The following MGRN1 variants were observed in gnomAD, a reference collection of about 807,000 sequenced individuals.
MGRN1 encodes the protein mahogunin ring finger 1, also known as E3 ubiquitin-protein ligase MGRN1.
In MGRN1, 29 loss-of-function variants were observed where a neutral mutation model predicts 69.2. That is an observed-to-expected ratio of 0.42 (90% confidence interval 0.31 to 0.57). The LOEUF is 0.57. Among genes scored for constraint, MGRN1 ranks in the 20% least tolerant of loss-of-function variants. MGRN1 has a pLI of 0.15. For missense variants in MGRN1, 998 were observed against 796.2 expected (o/e 1.25, Z -3.05); for synonymous variants, 470 against 344.2 (o/e 1.37, Z -4.04).
intron 1 of MGRN1, chr16:4,634,476 C>G (rs192889996): frequency 6.6e-6 from 1 of 152,412 alleles, no homozygotes; most frequent in Non-Finnish European, 1.5e-5. Flanking sequence ...TCTAGCTTTG[C>G]GCTTTGGGGT....
chr16:4,688,782 GC>G lies in MGRN1; in HGVS notation c.1619-13del. The G allele has an allele frequency of 6.5e-7, 1 of 1,536,324 alleles. No individual in the cohort carries two copies. The highest frequency in any genetic ancestry group is 8.8e-7 in the Non-Finnish European group (1 of 1,135,808). On this transcript the variant is annotated splice_polypyrimidine_tract_variant and intron_variant, in intron 16 of 16. Transcript: ENST00000262370. ...ATCCGAGTGTGACCCTCCTCCCTCT[GC>G]TCCCACCTGCAGGACGGCCCACCTC...
chr16:4,627,263 A>G (rs1897726385), intron 1 of MGRN1, among the ~76,000 whole-genome samples: 1 of 152,236 alleles, frequency 6.6e-6, no homozygotes, highest in Non-Finnish European at 1.5e-5. Flanking sequence ...TATGTCAAGG[A>G]GAAAGAGTCA....
chr16:4,641,430 C>CCTCAAATTGCTGGGCTCGCATGGTCCTT (rs558794518), intron 1 of MGRN1, among the ~76,000 whole-genome samples: 2,700 of 151,944 alleles, frequency 0.018, 30 homozygotes, highest in Non-Finnish European at 0.03. Context: ...CTCACTGCAA[C>CCTCAAATTGCTGGGCTCGCATGGTCCTT]CTCAAATTGC....
At position 4,682,886 on chromosome 16, in the gene MGRN1, G is replaced by A; in HGVS notation, c.1422G>A (p.Val474=). The part of the protein sequence containing the change: ...EEDEEKLSED[V]DAPPPLGGAE... ...ATGAGGAGAAGCTCTCCGAGGACGT[G>A]GACGCCCCTCCCCCACTGGGTGGCG... Residue 474 remains valine (V), a synonymous_variant, in exon 14 of 17, where the codon GTG becomes GTA. Transcript: ENST00000262370. The A allele has an allele frequency of 1.9e-6, 3 of 1,609,676 alleles. No homozygotes were observed. The highest frequency in any genetic ancestry group is 1.7e-6 in the Non-Finnish European group (2 of 1,177,018).
In MGRN1 at chr16:4,650,478, G is replaced by A; in HGVS notation, c.202G>A (p.Val68Ile). ...TCTGAACTTCCTGGGCAGCCGCCCG[G>A]TCCAGGTGGGTCTGGACAGGGCTGT... ...MDLNFLGSRP[V>I]QFPYVTPAPH... Residue 68 changes from valine (V) to isoleucine (I), a missense_variant, in exon 2 of 17, where the codon GTC becomes ATC. Physicochemically the swap from Val to Ile is conservative, Grantham distance 29. Transcript: ENST00000262370. The A allele has an allele frequency of 6.2e-7, 1 of 1,612,420 alleles. No individual in the cohort carries two copies. The highest frequency in any genetic ancestry group is 8.5e-7 in the Non-Finnish European group (1 of 1,179,208).
chr16:4,685,778 C>A (rs777605169), intron 16 of MGRN1, among the ~76,000 whole-genome samples: 1 of 152,250 alleles, frequency 6.6e-6, no homozygotes, highest in Non-Finnish European at 1.5e-5. Context: ...CATGAACACA[C>A]GCCAGAGCCT....
intron 14 of MGRN1, 55 bp from the exon 15 acceptor site, chr16:4,683,169 G>A (rs2079227578): frequency 6.2e-7 from 1 of 1,601,622 alleles, no homozygotes; most frequent in Admixed American, 1.7e-5. Flanking sequence ...GGCTTGTCCT[G>A]GAGCGGTGGC....
intron 1 of MGRN1, among the ~76,000 whole-genome samples, chr16:4,648,888 G>A (rs1349807751): frequency 1.4e-5 from 2 of 145,810 alleles, no homozygotes; most frequent in Admixed American, 6.8e-5. Flanking sequence ...GACTCTTCCC[G>A]TGGTCACCCG....
Position 4,670,673 on chromosome 16 carries a change from A to G in MGRN1, c.727-718A>G, listed in dbSNP as rs149185570. On this transcript the variant is annotated intron_variant, in intron 8 of 16. Transcript: ENST00000262370. ...GATTCCAGACCAGCCTGGGCAATGT[A>G]GCGAGATCCTGTCTATTTAAAATGT... Among the ~76,000 whole-genome samples the G allele has an allele frequency of 1.3e-3, 205 of 152,358 alleles. 3 individuals are homozygous for G. In the East Asian group the frequency reaches 0.031, roughly 23 times the overall value.
In MGRN1 at chr16:4,681,726, C is replaced by T. The variant is rs770648348; in HGVS notation, c.1308C>T (p.Ile436=). ...GTCCCCTCGCGGCTATCGACCACAT[C>T]CTGGACAGCAGCCGCCAGAAGGGCA... ...ASCPLAAIDH[I]LDSSRQKGRP... The change falls in exon 13 of 17, where the codon ATC becomes ATT. Residue 436 remains isoleucine (I), a synonymous_variant. Coordinates refer to ENST00000262370, the MANE Select transcript of MGRN1 (RefSeq NM_015246.4). The T allele has an allele frequency of 1.9e-6, 3 of 1,613,016 alleles. No individual in the cohort carries two copies. Among genetic ancestry groups the T allele is most frequent in the Non-Finnish European group, 8.5e-7 (1 of 1,179,858 alleles).
At chr16:4,682,780 T>A in intron 13 of MGRN1, 43 bp from the exon 14 acceptor site, 1 of 1,482,666 alleles carries the variant, frequency 6.7e-7, no homozygotes, top group Non-Finnish European at 9.0e-7. Flanking sequence ...GCCTTCCTTG[T>A]CGTTATCCTC....
chr16:4,659,351 G>C (rs559812443), intron 5 of MGRN1, among the ~76,000 whole-genome samples: 1 of 152,116 alleles, frequency 6.6e-6, no homozygotes, highest in East Asian at 1.9e-4. Context: ...GGAGGTGTCT[G>C]TGTTTCCTGT....
chr16:4,627,333 TTC>T (rs1333989369), intron 1 of MGRN1, among the ~76,000 whole-genome samples: 1 of 152,260 alleles, frequency 6.6e-6, no homozygotes, highest in Non-Finnish European at 1.5e-5. Context: ...TAAGGGAACT[TTC>T]AGCATGTTCT....
At chr16:4,640,135 A>G (rs1313641945) in intron 1 of MGRN1, 1 of 152,262 alleles carries the variant, frequency 6.6e-6, no homozygotes, top group Non-Finnish European at 1.5e-5. Context: ...GGTGGCGTTC[A>G]TTGCACACTG....
chr16:4,659,651 T>C (rs923856453), intron 5 of MGRN1, among the ~76,000 whole-genome samples: 9 of 152,280 alleles, frequency 5.9e-5, no homozygotes, highest in African/African-American at 2.2e-4. Flanking sequence ...CTGGCTCGTC[T>C]GTGGATGGCC....
At chr16:4,672,308 A>C in intron 9 of MGRN1, 1 of 456,068 alleles carries the variant, frequency 2.2e-6, no homozygotes, top group Admixed American at 2.4e-5. Context: ...CAGCCTCCCA[A>C]AGTGCTGGGA....
At chr16:4,664,888 G>A (rs1250037564) in intron 6 of MGRN1, 113 bp downstream of exon 6, 4 of 1,419,174 alleles carry the variant, frequency 2.8e-6, no homozygotes, top group Non-Finnish European at 4.0e-6. Flanking sequence ...TAGGGCCTTG[G>A]GCTTCCCACA....
chr16:4,670,675 C>T (rs143366596), intron 8 of MGRN1, among the ~76,000 whole-genome samples: 2 of 152,172 alleles, frequency 1.3e-5, no homozygotes, highest in Non-Finnish European at 2.9e-5. Flanking sequence ...GGCAATGTAG[C>T]GAGATCCTGT....
At chr16:4,672,809 C>A (rs971608296) in intron 9 of MGRN1, among the ~76,000 whole-genome samples, 2 of 152,190 alleles carry the variant, frequency 1.3e-5, no homozygotes, top group Non-Finnish European at 2.9e-5. Context: ...AATGAAAATA[C>A]TTCTAACATA....
Sources: allele counts gnomAD v4.1 joint callset (sites outside exome capture counted in the v4.1 genomes callset), GRCh38; gene constraint gnomAD v4.1.1; transcripts MANE v1.5; gene names NCBI Gene and HGNC (gene_info 2026-07-23, HGNC 2026-07-21).